The following DAAM1 variants were observed in gnomAD, a reference collection of about 807,000 sequenced individuals.
The protein encoded by DAAM1 is dishevelled associated activator of morphogenesis 1.
A neutral mutation model predicts 130.0 loss-of-function variants in DAAM1; 52 were observed. The ratio of observed to expected loss-of-function variants is 0.40; its 90% CI spans 0.32 to 0.50. The LOEUF (loss-of-function observed/expected upper bound fraction) is 0.50, where lower values mean the gene tolerates loss of function less well. Among genes scored for constraint, DAAM1 ranks in the 20% least tolerant of loss-of-function variants. The pLI is 0.61. For synonymous variants in DAAM1, 452 were observed against 444.5 expected (o/e 1.02, Z -0.21); for missense variants, 1,134 against 1,303.8 (o/e 0.87, Z 2.01).
chr14:59,206,266 ATTTAT>A (rs906200037), intron 1 of DAAM1, among the ~76,000 whole-genome samples: 7 of 152,034 alleles, frequency 4.6e-5, no homozygotes, highest in African/African-American at 1.7e-4. Context: ...GGGCTCAGGT[ATTTAT>A]TTTATTTTAT....
At chr14:59,325,467 A>G (rs569721781) in intron 8 of DAAM1, among the ~76,000 whole-genome samples, 197 bp from the exon 9 acceptor site, 6 of 152,260 alleles carry the variant, frequency 3.9e-5, no homozygotes, top group East Asian at 1.9e-4. Context: ...TTTTTCTCAT[A>G]TTGTGATCTG....
chr14:59,220,415 T>C (rs190688152), intron 1 of DAAM1, among the ~76,000 whole-genome samples: 7 of 152,320 alleles, frequency 4.6e-5, no homozygotes, highest in East Asian at 3.9e-4. Context: ...AAGTTAAATA[T>C]TCTGTATTAG....
At position 59,240,418 on chromosome 14, in the gene DAAM1, TC is replaced by T. The variant is rs568259608; in HGVS notation, c.-37-23022del. 1.1e-4 allele frequency among the ~76,000 whole-genome samples: 16 copies of T among 152,270 alleles called. No homozygotes were observed. The South Asian group carries it at 3.3e-3, about 32-fold the overall frequency. On this transcript the variant is annotated intron_variant, in intron 1 of 24. Transcript: ENST00000360909. ...GGACCATGAATCAGGGTTCTTCAAA[TC>T]TTTATGGGACAGAAATCCCATTGGA...
chr14:59,310,106 T>A (rs895051410), intron 3 of DAAM1, among the ~76,000 whole-genome samples: 3 of 111,264 alleles, frequency 2.7e-5, no homozygotes, highest in Non-Finnish European at 5.5e-5. Flanking sequence ...AGTGACAAAT[T>A]TTTTCCTTTT....
intron 23 of DAAM1, among the ~76,000 whole-genome samples, chr14:59,364,977 A>C (rs1886859167): frequency 6.6e-6 from 1 of 152,210 alleles, no homozygotes; most frequent in Admixed American, 6.5e-5. Flanking sequence ...TGCTTCATAA[A>C]GGAAGAGACT....
chr14:59,220,390 A>G (rs721070), intron 1 of DAAM1, among the ~76,000 whole-genome samples: 29,341 of 152,148 alleles, frequency 0.19, 3,428 homozygotes, highest in Non-Finnish European at 0.26. Flanking sequence ...TTTTGCCAAC[A>G]TTTAAGGGAG....
chr14:59,201,414 G>C (rs1203954462), intron 1 of DAAM1, among the ~76,000 whole-genome samples: 2 of 152,128 alleles, frequency 1.3e-5, no homozygotes, highest in Non-Finnish European at 2.9e-5. Context: ...CCTGAGGTCA[G>C]GAGCTCGAGA....
At chr14:59,247,276 G>T (rs1454300320) in intron 1 of DAAM1, among the ~76,000 whole-genome samples, 1 of 152,116 alleles carries the variant, frequency 6.6e-6, no homozygotes, top group African/African-American at 2.4e-5. Context: ...GTACCATGCT[G>T]TTTTGATTAC....
chr14:59,244,192 A>G (rs140757378), intron 1 of DAAM1, among the ~76,000 whole-genome samples: 281 of 151,216 alleles, frequency 1.9e-3, no homozygotes, highest in Non-Finnish European at 3.0e-3. Context: ...ATCTTCTGCC[A>G]TGATTGTGAG....
intron 1 of DAAM1, among the ~76,000 whole-genome samples, chr14:59,204,730 T>C (rs1456285053): frequency 2.6e-5 from 4 of 152,238 alleles, no homozygotes; most frequent in Non-Finnish European, 2.9e-5. Context: ...AAACACAACA[T>C]CCAAAAAATC....
chr14:59,290,479 T>G (rs1459817795), intron 2 of DAAM1, among the ~76,000 whole-genome samples: 2 of 152,202 alleles, frequency 1.3e-5, no homozygotes, highest in Non-Finnish European at 2.9e-5. Flanking sequence ...AGTAGACCAC[T>G]TGGGGTTGTT....
intron 1 of DAAM1, among the ~76,000 whole-genome samples, chr14:59,229,307 T>A (rs1292591898): frequency 1.3e-5 from 2 of 152,366 alleles, no homozygotes; most frequent in Admixed American, 6.5e-5. Flanking sequence ...TTTTGTGAGT[T>A]GTTACCTCTT....
At chr14:59,244,242 A>ATTTTTTTTTTTT (rs59495382) in intron 1 of DAAM1, among the ~76,000 whole-genome samples, 1 of 146,416 alleles carries the variant, frequency 6.8e-6, no homozygotes. Context: ...CACTAAACCT[A>ATTTTTTTTTTTT]TTTTTTTTTT....
At chr14:59,245,669 T>G (rs1346107187) in intron 1 of DAAM1, among the ~76,000 whole-genome samples, 1 of 152,220 alleles carries the variant, frequency 6.6e-6, no homozygotes, top group Non-Finnish European at 1.5e-5. Flanking sequence ...ATTCTGTCAC[T>G]AAGCAATGAA....
intron 3 of DAAM1, among the ~76,000 whole-genome samples, chr14:59,309,588 A>G (rs186500786): frequency 2.6e-5 from 4 of 152,172 alleles, no homozygotes; most frequent in African/African-American, 7.2e-5. Context: ...GGCATTGCCT[A>G]TTCATTCAAG....
At chr14:59,196,501 T>G (rs1887894384) in intron 1 of DAAM1, among the ~76,000 whole-genome samples, 1 of 152,166 alleles carries the variant, frequency 6.6e-6, no homozygotes. Context: ...CCCAGCACTT[T>G]GGGAGGACGA....
chr14:59,309,935 G>A (rs1016952191), intron 3 of DAAM1, among the ~76,000 whole-genome samples: 1 of 152,166 alleles, frequency 6.6e-6, no homozygotes, highest in African/African-American at 2.4e-5. Flanking sequence ...TCTTTTGGAT[G>A]CCACACATCA....
intron 1 of DAAM1, among the ~76,000 whole-genome samples, chr14:59,244,125 G>C (rs73295955): frequency 6.6e-6 from 1 of 151,988 alleles, no homozygotes; most frequent in Non-Finnish European, 1.5e-5. Context: ...GGTGATTTCC[G>C]CTTTCACTTG....
chr14:59,206,082 G>A (rs547991096), intron 1 of DAAM1, among the ~76,000 whole-genome samples: 44 of 152,002 alleles, frequency 2.9e-4, no homozygotes, highest in African/African-American at 1.0e-3. Flanking sequence ...TCGAACTCCT[G>A]GGCTCAAGCA....
Sources: gnomAD v4.1 joint callset for allele counts (sites outside exome capture counted in the v4.1 genomes callset) on GRCh38, gnomAD v4.1.1 for gene constraint, MANE v1.5 for transcripts, NCBI Gene and HGNC (gene_info 2026-07-23, HGNC 2026-07-21) for gene names.